ANKRD17: variants seen among roughly 807,000 people sequenced by gnomAD.
ANKRD17 encodes ankyrin repeat domain-containing protein 17.
In ANKRD17, 19 loss-of-function variants were observed where a neutral mutation model predicts 229.7. That is an observed-to-expected ratio of 0.08 (90% confidence interval 0.06 to 0.12). ANKRD17 has a LOEUF of 0.12. Ranked by LOEUF, ANKRD17 falls within the 10% of genes least tolerant of loss-of-function variation. The probability of loss-of-function intolerance (pLI) is 1.00; values close to 1 mark genes in which losing one functional copy is unlikely to be tolerated. For missense variants in ANKRD17, 2,176 were observed against 3,176.8 expected, an observed-to-expected ratio of 0.68 and a Z score of 7.57; for synonymous variants, 1,112 against 1,146.1, an observed-to-expected ratio of 0.97 and a Z score of 0.60.
At chr4:73,221,172 T>G (rs1216988830) in intron 1 of ANKRD17, among the ~76,000 whole-genome samples, 1 of 152,124 alleles carries the variant, frequency 6.6e-6, no homozygotes, top group African/African-American at 2.4e-5. Flanking sequence ...AAAAAGCTAC[T>G]TATTTAGTAT....
At chr4:73,168,501 A>G (rs1404178518) in intron 2 of ANKRD17, among the ~76,000 whole-genome samples, 1 of 152,174 alleles carries the variant, frequency 6.6e-6, no homozygotes, top group Non-Finnish European at 1.5e-5. Flanking sequence ...GGATAATATA[A>G]TGATCCACTT....
chr4:73,175,207 G>A (rs948206283), intron 2 of ANKRD17, among the ~76,000 whole-genome samples: 1 of 152,180 alleles, frequency 6.6e-6, no homozygotes, highest in African/African-American at 2.4e-5. Flanking sequence ...AGAAGGTGAA[G>A]AGGAATCAAG....
chr4:73,256,018 G>A (rs1421800674), intron 1 of ANKRD17, among the ~76,000 whole-genome samples: 4 of 152,120 alleles, frequency 2.6e-5, no homozygotes, highest in Non-Finnish European at 5.9e-5. Context: ...GAGCTACCAC[G>A]CCCGGCCAAT....
chr4:73,179,462 A>G (rs1336829596), intron 1 of ANKRD17, among the ~76,000 whole-genome samples: 1 of 92,632 alleles, frequency 1.1e-5, no homozygotes, highest in Admixed American at 1.5e-4. Context: ...GTATATATGT[A>G]TATATGTGTG....
At chr4:73,237,871 T>C (rs949590769) in intron 1 of ANKRD17, among the ~76,000 whole-genome samples, 52 of 152,154 alleles carry the variant, frequency 3.4e-4, no homozygotes, top group Admixed American at 1.3e-4. Context: ...ATATTCTACA[T>C]AAATTCTAAA....
At chr4:73,190,716 A>T (rs1736955839) in intron 1 of ANKRD17, among the ~76,000 whole-genome samples, 1 of 152,082 alleles carries the variant, frequency 6.6e-6, no homozygotes, top group African/African-American at 2.4e-5. Context: ...TAAGATCAAC[A>T]TAAAAATCAA....
rs1745721640 is a variant in ANKRD17 at position 73,258,675 on chromosome 4, G to A, written c.-7C>T. 5 of 1,466,684 alleles carry A rather than the reference G, an allele frequency of 3.4e-6. No homozygotes were observed. The South Asian group carries it at 6.6e-5, about 19-fold the overall frequency. 90.9% of individuals were successfully genotyped at this position (1,466,684 alleles called of 1,614,324 possible). A position where few individuals can be genotyped will look rare whatever the true frequency, so the allele number is the denominator to read the frequency against. ...GAACCGTCGCCTTCTCCATCCCCAG[G>A]GAAAGAGGGAGGGCGCGGACGGGGG... is the stretch of plus-strand genomic sequence containing the variant. On this transcript the variant is annotated 5_prime_UTR_variant, in exon 1 of 34. Transcript: ENST00000358602.
At chr4:73,217,940 G>C (rs530158373) in intron 1 of ANKRD17, among the ~76,000 whole-genome samples, 1 of 152,258 alleles carries the variant, frequency 6.6e-6, no homozygotes, top group East Asian at 1.9e-4. Flanking sequence ...AAACATTTTA[G>C]ATAAGAAATA....
intron 16 of ANKRD17, among the ~76,000 whole-genome samples, chr4:73,132,128 CAG>C (rs1340267044): frequency 6.9e-6 from 1 of 145,572 alleles, no homozygotes; most frequent in African/African-American, 2.6e-5. Context: ...TTTTTTGAGA[CAG>C]AGTTTCACTC....
rs116607582 is a variant in ANKRD17 at position 73,216,263 on chromosome 4, A to G, written c.394-38730T>C. Among the ~76,000 whole-genome samples, 460 of 152,316 alleles carry G rather than the reference A, an allele frequency of 3.0e-3. 3 individuals carry two copies. The highest frequency in any genetic ancestry group is 0.01 in the African/African-American group (435 of 41,584). ...CAATGGTTTATCATTTTTTTAAATG[A>G]ATAAATATGTAAATGTTTTTAAATT... On this transcript the variant is annotated intron_variant, in intron 1 of 33. Transcript: ENST00000358602.
chr4:73,168,606 G>A (rs1394255941), intron 2 of ANKRD17, among the ~76,000 whole-genome samples: 1 of 152,118 alleles, frequency 6.6e-6, no homozygotes, highest in African/African-American at 2.4e-5. Flanking sequence ...TCATTATTCA[G>A]TTATTCACAG....
At chr4:73,114,229 C>T (rs534623874) in intron 23 of ANKRD17, among the ~76,000 whole-genome samples, 13 of 152,188 alleles carry the variant, frequency 8.5e-5, no homozygotes, top group African/African-American at 2.9e-4. Context: ...TTTATGTTGG[C>T]TGGTTAACAG....
chr4:73,257,947 C>A (rs1199427764), intron 1 of ANKRD17, among the ~76,000 whole-genome samples: 1 of 152,008 alleles, frequency 6.6e-6, no homozygotes, highest in Non-Finnish European at 1.5e-5. Flanking sequence ...GCCCTACTGG[C>A]CCCAGGCAGA....
chr4:73,148,462 CTTA>C (rs1228244524), intron 8 of ANKRD17, among the ~76,000 whole-genome samples: 2 of 152,140 alleles, frequency 1.3e-5, no homozygotes, highest in Non-Finnish European at 2.9e-5. Context: ...CTATTAAATA[CTTA>C]TTAGTAGGTA....
At chr4:73,203,015 CTGGA>C (rs563850223) in intron 1 of ANKRD17, among the ~76,000 whole-genome samples, 143 of 152,246 alleles carry the variant, frequency 9.4e-4, no homozygotes, top group African/African-American at 3.2e-3. Flanking sequence ...TAAAAATTCA[CTGGA>C]TGATCTGTCA....
At chr4:73,113,240 T>TG (rs1298298410) in intron 24 of ANKRD17, 1 of 1,289,270 alleles carries the variant, frequency 7.8e-7, no homozygotes, top group African/African-American at 1.5e-5. Context: ...GCTATAAGAC[T>TG]GTCCAAACTA....
intron 1 of ANKRD17, among the ~76,000 whole-genome samples, chr4:73,246,151 T>A (rs1220271897): frequency 6.6e-6 from 1 of 152,192 alleles, no homozygotes; most frequent in Non-Finnish European, 1.5e-5. Context: ...ATTCCTCTCA[T>A]AGAGGAAAAT....
At chr4:73,128,360 G>A (rs1296710511) in intron 16 of ANKRD17, among the ~76,000 whole-genome samples, 1 of 152,154 alleles carries the variant, frequency 6.6e-6, no homozygotes, top group East Asian at 1.9e-4. Context: ...CTACGTTGGT[G>A]CATATGCAAT....
In ANKRD17 at chr4:73,140,170, T is replaced by C. The variant is rs764717847; in HGVS notation, c.2446A>G (p.Thr816Ala). ...TCTTTTATCCTCTGTTCCAGTTCTG[T>C]TAACTTTCCCTGAGCCTCTTCTACA... is the stretch of plus-strand genomic sequence containing the variant. ...SIVEEAQGKL[T>A]ELEQRIKEAI... The change falls in exon 15 of 34, where the codon ACA (threonine) becomes GCA (alanine). Residue 816 changes from threonine to alanine, a missense_variant. Transcript: ENST00000358602. 3 of 1,614,178 alleles carry C rather than the reference T, an allele frequency of 1.9e-6. No individual in the cohort carries two copies. Among genetic ancestry groups the C allele is most frequent in the Non-Finnish European group, 2.5e-6 (3 of 1,180,032 alleles).
Sources: allele counts gnomAD v4.1 joint callset (sites outside exome capture counted in the v4.1 genomes callset), GRCh38; gene constraint gnomAD v4.1.1; transcripts MANE v1.5; gene names NCBI Gene and HGNC (gene_info 2026-07-23, HGNC 2026-07-21).